CHEK2: variants seen among roughly 807,000 people sequenced by gnomAD.
CHEK2 encodes serine/threonine-protein kinase Chk2.
CHEK2 carries 71 observed loss-of-function variants against 69.1 expected under a neutral mutation model. The ratio of observed to expected loss-of-function variants is 1.03; its 90% CI spans 0.85 to 1.25. The LOEUF (loss-of-function observed/expected upper bound fraction) is 1.25. CHEK2 is among the 50% of genes most tolerant of loss of function. The pLI, the probability that CHEK2 is intolerant of heterozygous loss-of-function variation, is 0.00. For synonymous variants in CHEK2, 189 were observed against 226.9 expected (o/e 0.83, Z 1.50); for missense variants, 664 against 649.6 (o/e 1.02, Z -0.24).
intron 2 of CHEK2, 133 bp downstream of exon 2, chr22:28,734,270 G>A (rs749543565): frequency 1.3e-6 from 1 of 784,538 alleles, no homozygotes; most frequent in Non-Finnish European, 2.1e-6. Context: ...GCTTGTTCAT[G>A]CATGATGTTC....
intron 5 of CHEK2, among the ~76,000 whole-genome samples, chr22:28,716,109 G>A (rs1266790457): frequency 6.6e-6 from 1 of 151,992 alleles, no homozygotes; most frequent in Non-Finnish European, 1.5e-5. Context: ...CTGGACTCAA[G>A]TGATACACCT....
At position 28,699,947 on chromosome 22, in the gene CHEK2, A is replaced by AAAGGC; in HGVS notation, c.909-15_909-11dup. The stretch of plus-strand genomic sequence containing the variant: ...CTCTCCCCCTTCCATCCTGAAACAC[A>AAAGGC]AAGGCAAGGCAAGGGGTTCATTCCT... On this transcript the variant is annotated splice_polypyrimidine_tract_variant and intron_variant, in intron 8 of 14. Coordinates refer to ENST00000404276, the MANE Select transcript of CHEK2 (RefSeq NM_007194.4). 6.2e-7 allele frequency: 1 copy of AAAGGC among 1,605,608 alleles called. No homozygotes were observed. Among genetic ancestry groups the AAAGGC allele is most frequent in the Non-Finnish European group, 8.5e-7 (1 of 1,172,656 alleles).
rs541345968 is a variant in CHEK2, at chr22:28,731,596, A to AAAT, written c.319+2804_319+2806dup. Among the ~76,000 whole-genome samples, 1,015 of 151,618 alleles carry AAAT rather than the reference A, an allele frequency of 6.7e-3. 7 individuals are homozygous for AAAT. Among genetic ancestry groups the AAAT allele is most frequent in the Non-Finnish European group, 0.011 (764 of 67,866 alleles). ...GGGTGACAGAGTGAGACTCCGTCTC[A>AAAT]AATAATAATAATAATAATAATGATA... On this transcript the variant is annotated intron_variant, in intron 2 of 14. Coordinates refer to ENST00000404276, the MANE Select transcript of CHEK2 (RefSeq NM_007194.4).
intron 2 of CHEK2, among the ~76,000 whole-genome samples, chr22:28,726,599 T>A (rs958737874): frequency 8.2e-5 from 12 of 146,716 alleles, no homozygotes; most frequent in Non-Finnish European, 1.6e-4. Flanking sequence ...TCTATTAATA[T>A]ATGTATTTAT....
At chr22:28,736,491 C>T (rs963746127) in intron 1 of CHEK2, among the ~76,000 whole-genome samples, 1 of 152,254 alleles carries the variant, frequency 6.6e-6, no homozygotes, top group African/African-American at 2.4e-5. Flanking sequence ...CCACCTATCC[C>T]TTTGTGATGC....
chr22:28,737,673 C>T (rs2054452631), intron 1 of CHEK2, among the ~76,000 whole-genome samples: 1 of 151,778 alleles, frequency 6.6e-6, no homozygotes, highest in Admixed American at 6.6e-5. Context: ...GGGTTTTCAC[C>T]GTATTGGCCA....
intron 8 of CHEK2, among the ~76,000 whole-genome samples, chr22:28,702,617 G>A (rs1193845694): frequency 6.8e-6 from 1 of 147,692 alleles, no homozygotes; most frequent in Non-Finnish European, 1.5e-5. Context: ...CACAATCTCA[G>A]CTCACTGCAA....
chr22:28,712,244 A>G (rs1300564683), intron 5 of CHEK2: 5 of 566,114 alleles, frequency 8.8e-6, no homozygotes, highest in South Asian at 2.1e-5. Context: ...GCCCAGCAAT[A>G]CAAACATGGG....
At chr22:28,724,889 A>G in intron 4 of CHEK2, 88 bp downstream of exon 4, 1 of 1,393,348 alleles carries the variant, frequency 7.2e-7, no homozygotes, top group African/African-American at 1.4e-5. Context: ...TACTCACTTA[A>G]ACCATATTCT....
At chr22:28,719,902 A>T (rs1044180092) in intron 4 of CHEK2, among the ~76,000 whole-genome samples, 2 of 152,186 alleles carry the variant, frequency 1.3e-5, no homozygotes, top group Non-Finnish European at 2.9e-5. Context: ...AAATATCCCA[A>T]TGAAAATTAG....
chr22:28,740,932 G>A (rs1309637265), intron 1 of CHEK2, among the ~76,000 whole-genome samples: 1 of 152,040 alleles, frequency 6.6e-6, no homozygotes, highest in Non-Finnish European at 1.5e-5. Flanking sequence ...AAGGCAGGTG[G>A]ATCACCTGAG....
rs1211239638 is a variant in CHEK2 at position 28,739,762 on chromosome 22, T to C, written c.-7+2007A>G. Among the ~76,000 whole-genome samples the C allele has an allele frequency of 1.3e-5, 2 of 152,040 alleles. 1 individual carries two copies. The highest frequency in any genetic ancestry group is 4.8e-5 in the African/African-American group (2 of 41,370). The stretch of plus-strand genomic sequence containing the variant: ...AAGTTAAAATGGTTTGTATAAAAGA[T>C]AGGCAAAACAGATGCTGGAAAGAAT... On this transcript the variant is annotated intron_variant, in intron 1 of 14. Coordinates refer to ENST00000404276, the MANE Select transcript of CHEK2 (RefSeq NM_007194.4).
intron 7 of CHEK2, among the ~76,000 whole-genome samples, chr22:28,705,880 T>C (rs555450096): frequency 2.0e-5 from 3 of 151,892 alleles, no homozygotes; most frequent in Non-Finnish European, 4.4e-5. Context: ...GAGGCAGAGT[T>C]TGCAGTGAGC....
intron 5 of CHEK2, among the ~76,000 whole-genome samples, chr22:28,718,369 G>A (rs1325819264): frequency 6.6e-6 from 1 of 152,064 alleles, no homozygotes; most frequent in Non-Finnish European, 1.5e-5. Flanking sequence ...ATAGTATAAA[G>A]GTTCCCCAAA....
rs17882942 is a variant in CHEK2, at chr22:28,689,143, G to C, written c.1534C>G (p.Leu512Val). The C allele has an allele frequency of 1.6e-5, 26 of 1,593,670 alleles. No homozygotes were observed. In the Admixed American group the frequency reaches 4.2e-4, roughly 26 times the overall value. Residue 512 changes from leucine to valine, a missense_variant, in exon 14 of 15, where the codon CTA becomes GTA. Transcript: ENST00000404276. ...ATCAGGAATACGAATACCTGGGCTAGAACCTGGGGTAGAGCTGTGGATTCA... is the reference window on the plus strand; with the variant it reads ...ATCAGGAATACGAATACCTGGGCTACAACCTGGGGTAGAGCTGTGGATTCA... ...ENESTALPQV[L>V]AQPSTSRKRP...
At chr22:28,704,027 C>A (rs1436218460) in intron 7 of CHEK2, among the ~76,000 whole-genome samples, 1 of 151,778 alleles carries the variant, frequency 6.6e-6, no homozygotes, top group Non-Finnish European at 1.5e-5. Flanking sequence ...CCCCATGGAA[C>A]AAGATCCTAC....
chr22:28,690,087 T>TC (rs1196562576), intron 13 of CHEK2, among the ~76,000 whole-genome samples: 1 of 152,164 alleles, frequency 6.6e-6, no homozygotes, highest in Non-Finnish European at 1.5e-5. Context: ...TCATGTACTT[T>TC]CCCACCCAAC....
At chr22:28,709,406 G>C (rs2053301992) in intron 7 of CHEK2, among the ~76,000 whole-genome samples, 2 of 152,154 alleles carry the variant, frequency 1.3e-5, no homozygotes, top group Admixed American at 1.3e-4. Context: ...TTGTGTCTAT[G>C]AGATAGAATA....
rs587778193 is a variant in CHEK2, at chr22:28,711,970, T to G, written c.731A>C (p.Lys244Thr). 6.2e-7 allele frequency: 1 copy of G among 1,614,048 alleles called. No individual in the cohort carries two copies. The highest frequency in any genetic ancestry group is 8.5e-7 in the Non-Finnish European group (1 of 1,179,964). ...GCTGATGATCTTTATGGCTACTTTC[T>G]TACATGTTTTCCTCTCGAAAGCCAG... is the stretch of plus-strand genomic sequence containing the variant. ...VKLAFERKTC[K>T]KVAIKIISKR... The change falls in exon 6 of 15, where the codon AAG becomes ACG. Residue 244 changes from lysine (K) to threonine (T), a missense_variant. Coordinates refer to ENST00000404276, the MANE Select transcript of CHEK2 (RefSeq NM_007194.4).
Sources: gnomAD v4.1 joint callset for allele counts (sites outside exome capture counted in the v4.1 genomes callset) on GRCh38, gnomAD v4.1.1 for gene constraint, MANE v1.5 for transcripts, NCBI Gene and HGNC (gene_info 2026-07-23, HGNC 2026-07-21) for gene names.